Variants in DIS3 observed in about 807,000 individuals in gnomAD.
DIS3 encodes DIS3 exosome endoribonuclease and 3'-5' exoribonuclease, also known as exosome complex exonuclease RRP44.
Under a neutral mutation model 113.0 loss-of-function variants are expected in DIS3, and 103 were observed. That is an observed-to-expected ratio of 0.91 (90% confidence interval 0.78 to 1.07). The LOEUF is 1.07. DIS3 is among the 50% of genes least tolerant of loss of function. The pLI, the probability that DIS3 is intolerant of heterozygous loss-of-function variation, is 0.00. For synonymous variants in DIS3, 402 were observed against 394.3 expected (o/e 1.02, Z -0.23); for missense variants, 1,121 against 1,167.1 (o/e 0.96, Z 0.58).
rs1162106619 is a variant in DIS3 at position 72,781,730 on chromosome 13, C to T, written c.103G>A (p.Gly35Arg). The T allele has an allele frequency of 1.3e-6, 2 of 1,585,154 alleles. No individual in the cohort carries two copies. Among genetic ancestry groups the T allele is most frequent in the East Asian group, 2.3e-5 (1 of 43,118 alleles). Residue 35 changes from glycine (G) to arginine (R), a missense_variant, in exon 1 of 21, where the codon GGG becomes AGG. Coordinates refer to ENST00000377767, the MANE Select transcript of DIS3 (RefSeq NM_014953.5). ...TGCGCCCCTCCACACGCTGCGCACC[C>T]GGGCGCACCGCAGCCGATGTCGTCT... ...LRDDIGCGAP[G>R]CAACGGAHEG...
intron 4 of DIS3, among the ~76,000 whole-genome samples, chr13:72,776,847 A>G (rs914272941): frequency 6.6e-6 from 1 of 152,192 alleles, no homozygotes; most frequent in Non-Finnish European, 1.5e-5. Context: ...AATGTTACAC[A>G]CTGACATGAG....
At chr13:72,776,124 A>G (rs2034012866) in intron 4 of DIS3, 32 bp from the exon 5 acceptor site, 1 of 1,568,278 alleles carries the variant, frequency 6.4e-7, no homozygotes, top group Non-Finnish European at 8.6e-7. Context: ...AGATGCCGCT[A>G]ATAAGTCTTC....
chr13:72,774,338 T>C (rs1458674695), intron 6 of DIS3, among the ~76,000 whole-genome samples: 1 of 152,188 alleles, frequency 6.6e-6, no homozygotes, highest in African/African-American at 2.4e-5. Context: ...CTCAACACTT[T>C]TCAGGATTAA....
chr13:72,775,439 A>G (rs2033990990), intron 5 of DIS3, 64 bp from the exon 6 acceptor site: 1 of 1,474,786 alleles, frequency 6.8e-7, no homozygotes, highest in East Asian at 2.4e-5. Context: ...TAAAGGGAAG[A>G]TCATCTAACA....
rs2033444450 is a variant in DIS3, at chr13:72,755,700, A to G, written c.*4095T>C. On this transcript the variant is annotated 3_prime_UTR_variant, in exon 21 of 21. Coordinates refer to ENST00000377767, the MANE Select transcript of DIS3 (RefSeq NM_014953.5). Reference sequence around the variant, plus strand: ...TTCAAAGATACAAAAGAAATTAAACAGGTTTCCTGAAATTTTAGTTCTTGG... The same window carrying G: ...TTCAAAGATACAAAAGAAATTAAACGGGTTTCCTGAAATTTTAGTTCTTGG... The G allele has an allele frequency of 2.5e-6, 1 of 396,284 alleles. No homozygotes were observed. The highest frequency in any genetic ancestry group is 4.4e-6 in the Non-Finnish European group (1 of 225,158). 24.5% of individuals were successfully genotyped at this position (396,284 alleles called of 1,614,324 possible).
In DIS3 at chr13:72,757,426, T is replaced by TC. The variant is rs1555274039; in HGVS notation, c.*2368_*2369insG. ...CACACCTGGCTAATTTTCTTTTCTT[T>TC]TTTTTTTTTTTTTTTTGCGATGGAG... On this transcript the variant is annotated 3_prime_UTR_variant, in exon 21 of 21. Coordinates refer to ENST00000377767, the MANE Select transcript of DIS3 (RefSeq NM_014953.5). The TC allele has an allele frequency of 7.2e-6, 1 of 138,456 alleles. No individual in the cohort carries two copies. The highest frequency in any genetic ancestry group is 1.6e-5 in the Non-Finnish European group (1 of 64,310). 8.6% of individuals were successfully genotyped at this position (138,456 alleles called of 1,614,324 possible).
chr13:72,771,887 G>A lies in DIS3; in HGVS notation c.1513C>T (p.His505Tyr). ...ATAAAATGGCTCACATCAGCAATAT[G>A]AACACCAACCTTAAAAAGATAAAAA... ...LENGNLEVGV[H>Y]IADVSHFIRP... The change falls in exon 11 of 21, where the codon CAT becomes TAT. Residue 505 changes from histidine (H) to tyrosine (Y), a missense_variant. His to Tyr is a moderately conservative substitution (Grantham distance 83, BLOSUM62 2). Coordinates refer to ENST00000377767, the MANE Select transcript of DIS3 (RefSeq NM_014953.5). 6.2e-7 allele frequency: 1 copy of A among 1,613,224 alleles called. No individual in the cohort carries two copies. The highest frequency in any genetic ancestry group is 2.2e-5 in the East Asian group (1 of 44,822).
At chr13:72,781,423 T>G in intron 1 of DIS3, 182 bp downstream of exon 1, 1 of 1,514,682 alleles carries the variant, frequency 6.6e-7, no homozygotes, top group Non-Finnish European at 8.9e-7. Context: ...AAGAACTAAA[T>G]TTTTTAAAGC....
chr13:72,773,592 C>T (rs904148039), intron 8 of DIS3, 92 bp downstream of exon 8: 6 of 1,375,476 alleles, frequency 4.4e-6, no homozygotes, highest in South Asian at 1.5e-5. Context: ...ACAAATTCTA[C>T]ATAAAAGTAG....
chr13:72,761,129 GA>G lies in DIS3; in HGVS notation c.2670+233del, dbSNP rs199541116. ...GGGCAAAACTTTACATGGTATAAAAGAAAGAAATCAAAGACAACAATTGCAT... is the reference window on the plus strand; with the variant it reads ...GGGCAAAACTTTACATGGTATAAAAGAAGAAATCAAAGACAACAATTGCAT... On this transcript the variant is annotated intron_variant, in intron 19 of 20. Transcript: ENST00000377767. Among the ~76,000 whole-genome samples, 1,323 of 152,162 alleles carry G rather than the reference GA, an allele frequency of 8.7e-3. 66 individuals are homozygous for G. The highest frequency in any genetic ancestry group is 9.6e-3 in the East Asian group (50 of 5,188).
chr13:72,764,886 A>G (rs2033709239), intron 15 of DIS3, among the ~76,000 whole-genome samples: 1 of 152,146 alleles, frequency 6.6e-6, no homozygotes, highest in South Asian at 2.1e-4. Flanking sequence ...TTGCTCATAA[A>G]AGCTCTTAGT....
rs567928547 is a variant in DIS3 at position 72,779,213 on chromosome 13, G to A, written c.387-833C>T. ...TCAGCTTACTGCAACCTCTACCTCCGGGTTCAAGTGATCCTCCCAACTCAG... is the reference window on the plus strand; with the variant it reads ...TCAGCTTACTGCAACCTCTACCTCCAGGTTCAAGTGATCCTCCCAACTCAG... On this transcript the variant is annotated intron_variant, in intron 2 of 20. Transcript: ENST00000377767. 7.2e-4 allele frequency among the ~76,000 whole-genome samples: 108 copies of A among 151,002 alleles called. 2 individuals are homozygous for A. In the South Asian group the frequency reaches 0.022, roughly 31 times the overall value.
rs1359048048 is a variant in DIS3, at chr13:72,772,624, A to G, written c.1386+69T>C. 6.0e-6 allele frequency: 9 copies of G among 1,496,848 alleles called. No individual in the cohort carries two copies. In the East Asian group the frequency reaches 1.8e-4, roughly 31 times the overall value. 92.7% of individuals were successfully genotyped at this position (1,496,848 alleles called of 1,614,324 possible). A position where few individuals can be genotyped will look rare whatever the true frequency, so the allele number is the denominator to read the frequency against. ...GGTGTCTACATATTTAAAAACACAT[A>G]TAGAAATTAAACAAAACTAGGCAGG... On this transcript the variant is annotated intron_variant, in intron 9 of 20. Transcript: ENST00000377767.
Position 72,773,872 on chromosome 13 carries a change from A to G in DIS3, c.1102-51T>C, listed in dbSNP as rs370672816. The G allele has an allele frequency of 1.2e-4, 192 of 1,596,200 alleles. 2 individuals carry two copies. The African/African-American group carries it at 1.6e-3, about 14-fold the overall frequency. ...TTACACAAAAAAAATCTGAGGATGG[A>G]GGCAAAAGAAAGGCTATAAGTTCTA... On this transcript the variant is annotated intron_variant, in intron 7 of 20. Transcript: ENST00000377767.
At position 72,757,427 on chromosome 13, in the gene DIS3, T is replaced by C. The variant is rs1375317757; in HGVS notation, c.*2368A>G. 7.1e-6 allele frequency: 1 copy of C among 141,052 alleles called. No individual in the cohort carries two copies. The allele number at this position is 141,052 out of a possible 1,614,324, so 8.7% of individuals were successfully genotyped here. ...ACACCTGGCTAATTTTCTTTTCTTTTTTTTTTTTTTTTTTTGCGATGGAGT... is the reference window on the plus strand; with the variant it reads ...ACACCTGGCTAATTTTCTTTTCTTTCTTTTTTTTTTTTTTTGCGATGGAGT... On this transcript the variant is annotated 3_prime_UTR_variant, in exon 21 of 21. Transcript: ENST00000377767.
chr13:72,772,284 C>T lies in DIS3; in HGVS notation c.1387-9G>A. 6.3e-7 allele frequency: 1 copy of T among 1,576,320 alleles called. No homozygotes were observed. Among genetic ancestry groups the T allele is most frequent in the Non-Finnish European group, 8.6e-7 (1 of 1,156,420 alleles). On this transcript the variant is annotated splice_polypyrimidine_tract_variant and intron_variant, in intron 9 of 20. Transcript: ENST00000377767. ...TCTCGGTTTTTCATGTCCTAGAAGA[C>T]ATGAAATGATAAACAAATAAATTAT...
Position 72,781,084 on chromosome 13 carries a change from G to A in DIS3, c.229-81C>T, listed in dbSNP as rs2034190288. On this transcript the variant is annotated intron_variant, in intron 1 of 20. Transcript: ENST00000377767. ...AACATAAAATCCTGTTTTATGTTGG[G>A]CATAAATACTTTATGTTTTAAAAAC... is the stretch of plus-strand genomic sequence containing the variant. The A allele has an allele frequency of 4.2e-6, 6 of 1,425,474 alleles. No homozygotes were observed. The Admixed American group carries it at 8.8e-5, about 21-fold the overall frequency. The allele number at this position is 1,425,474 out of a possible 1,614,324, so 88.3% of individuals were successfully genotyped here. A position where few individuals can be genotyped will look rare whatever the true frequency, so the allele number is the denominator to read the frequency against.
intron 4 of DIS3, among the ~76,000 whole-genome samples, chr13:72,776,418 A>G (rs2034020329): frequency 1.3e-5 from 2 of 152,182 alleles, no homozygotes; most frequent in South Asian, 2.1e-4. Context: ...AAGTGGCTAC[A>G]TATTAGGGCA....
chr13:72,767,053 T>C (rs1268820176), intron 14 of DIS3, among the ~76,000 whole-genome samples: 1 of 152,142 alleles, frequency 6.6e-6, no homozygotes, highest in African/African-American at 2.4e-5. Flanking sequence ...GATTTTGACA[T>C]AAAAAGCAAG....
Sources: gnomAD v4.1 joint callset for allele counts (sites outside exome capture counted in the v4.1 genomes callset) on GRCh38, gnomAD v4.1.1 for gene constraint, MANE v1.5 for transcripts, NCBI Gene and HGNC (gene_info 2026-07-23, HGNC 2026-07-21) for gene names.